The following PDCD6IP variants were observed in gnomAD, a reference collection of about 807,000 sequenced individuals.
The protein encoded by PDCD6IP is programmed cell death 6-interacting protein.
In PDCD6IP, 43 loss-of-function variants were observed where a neutral mutation model predicts 103.7. The observed-to-expected ratio is 0.41, with a 90% CI of 0.32 to 0.53. The LOEUF is 0.53. Among genes scored for constraint, PDCD6IP ranks in the 20% least tolerant of loss-of-function variants. The pLI, the probability that PDCD6IP is intolerant of heterozygous loss-of-function variation, is 0.16. For missense variants in PDCD6IP, 871 were observed against 1,036.7 expected, an observed-to-expected ratio of 0.84 and a Z score of 2.20; for synonymous variants, 354 against 378.7, an observed-to-expected ratio of 0.93 and a Z score of 0.76.
In PDCD6IP at chr3:33,798,923, C is replaced by G. The variant is rs909958491; in HGVS notation, c.195C>G (p.Leu65=). The G allele has an allele frequency of 2.6e-6, 4 of 1,539,086 alleles. No individual in the cohort carries two copies. Among genetic ancestry groups the G allele is most frequent in the Non-Finnish European group, 2.6e-6 (3 of 1,138,844 alleles). The part of the protein sequence containing the change: ...GRPLDKHEGA[L]ETLLRYYDQI... ...CGCTGGACAAGCACGAGGGCGCGCT[C>G]GAGACGCTCCTGAGGTGGGCGCGGG... The change falls in exon 1 of 18, where the codon CTC becomes CTG. Residue 65 remains leucine (L), a synonymous_variant. Transcript: ENST00000307296.
At chr3:33,846,862 A>G (rs1259659943) in intron 12 of PDCD6IP, among the ~76,000 whole-genome samples, 1 of 152,220 alleles carries the variant, frequency 6.6e-6, no homozygotes, top group Non-Finnish European at 1.5e-5. Context: ...GGTCCCTAAC[A>G]TAAAGAGACA....
chr3:33,854,023 A>G lies in PDCD6IP; in HGVS notation c.2025+10A>G. The G allele has an allele frequency of 6.4e-7, 1 of 1,566,860 alleles. No individual in the cohort carries two copies. On this transcript the variant is annotated intron_variant, in intron 14 of 17. Coordinates refer to ENST00000307296, the MANE Select transcript of PDCD6IP (RefSeq NM_013374.6). ...GAAGGAAGGCACAAAGGTATGAAGT[A>G]CATGCAAAAGGAACCATAGCTAGCA...
At chr3:33,834,799 A>C (rs1029584848) in intron 7 of PDCD6IP, among the ~76,000 whole-genome samples, 47 of 152,142 alleles carry the variant, frequency 3.1e-4, no homozygotes, top group Non-Finnish European at 6.2e-4. Context: ...GATGCTTTCT[A>C]TATGCCTGAG....
At chr3:33,823,853 TCA>T (rs148441700) in intron 4 of PDCD6IP, among the ~76,000 whole-genome samples, 4,474 of 152,304 alleles carry the variant, frequency 0.029, 77 homozygotes, top group African/African-American at 0.052. Context: ...TAACTGTAAC[TCA>T]GTTAGTTAGT....
chr3:33,855,095 T>C (rs1430494346), intron 14 of PDCD6IP, 71 bp from the exon 15 acceptor site: 1 of 894,580 alleles, frequency 1.1e-6, no homozygotes, highest in African/African-American at 1.7e-5. Context: ...ACAAATTAGC[T>C]TTAGATCACA....
intron 9 of PDCD6IP, 36 bp downstream of exon 9, chr3:33,838,363 C>T (rs180890370): frequency 2.1e-5 from 32 of 1,558,464 alleles, no homozygotes; most frequent in South Asian, 4.5e-5. Flanking sequence ...TAAAGTTTTC[C>T]GTTTGGTTGT....
intron 15 of PDCD6IP, among the ~76,000 whole-genome samples, chr3:33,859,561 A>G (rs1697906462): frequency 6.6e-6 from 1 of 152,172 alleles, no homozygotes; most frequent in Non-Finnish European, 1.5e-5. Flanking sequence ...GGAAATACAA[A>G]TGGCTCTTAA....
chr3:33,868,636 C>T lies in PDCD6IP; in HGVS notation c.*2111C>T, dbSNP rs180855630. 7 of 152,296 alleles carry T rather than the reference C, an allele frequency of 4.6e-5. No homozygotes were observed. In the East Asian group the frequency reaches 1.4e-3, roughly 29 times the overall value. 9.4% of individuals were successfully genotyped at this position (152,296 alleles called of 1,614,324 possible). A position where few individuals can be genotyped will look rare whatever the true frequency, so the allele number is the denominator to read the frequency against. On this transcript the variant is annotated 3_prime_UTR_variant, in exon 18 of 18. Coordinates refer to ENST00000307296, the MANE Select transcript of PDCD6IP (RefSeq NM_013374.6). ...ACAGACAATCACAATAAATGCAGCC[C>T]TTTATTACTGTTAAGGATCATACTG... is the stretch of plus-strand genomic sequence containing the variant.
At position 33,866,607 on chromosome 3, in the gene PDCD6IP, T is replaced by C; in HGVS notation, c.*82T>C. 1 of 1,172,158 alleles carries C rather than the reference T, an allele frequency of 8.5e-7. No individual in the cohort carries two copies. The highest frequency in any genetic ancestry group is 1.2e-6 in the Non-Finnish European group (1 of 832,094). 72.6% of individuals were successfully genotyped at this position (1,172,158 alleles called of 1,614,324 possible). ...GCAATAAGTGTACTAAACTCTACGCTCTGGTTAATGTAATGTACTCTCCTG... is the reference window on the plus strand; with the variant it reads ...GCAATAAGTGTACTAAACTCTACGCCCTGGTTAATGTAATGTACTCTCCTG... On this transcript the variant is annotated 3_prime_UTR_variant, in exon 18 of 18. Coordinates refer to ENST00000307296, the MANE Select transcript of PDCD6IP (RefSeq NM_013374.6).
At chr3:33,805,370 A>AT (rs1268493830) in intron 1 of PDCD6IP, among the ~76,000 whole-genome samples, 475 of 134,536 alleles carry the variant, frequency 3.5e-3, no homozygotes, top group African/African-American at 0.012. Context: ...AAAAAAAAAA[A>AT]TTTTTTTTTC....
At chr3:33,863,822 T>C (rs561239308) in intron 15 of PDCD6IP, 184 bp from the exon 16 acceptor site, 1 of 564,756 alleles carries the variant, frequency 1.8e-6, no homozygotes, top group East Asian at 3.0e-5. Context: ...TTTAGTTTTT[T>C]GAGGGACCTC....
intron 13 of PDCD6IP, among the ~76,000 whole-genome samples, chr3:33,853,286 TA>T (rs535773602): frequency 2.6e-5 from 4 of 152,238 alleles, no homozygotes; most frequent in South Asian, 4.1e-4. Flanking sequence ...ATACTTCAGA[TA>T]TTTTTCATGG....
At chr3:33,826,446 T>G (rs1353914624) in intron 5 of PDCD6IP, 34 bp from the exon 6 acceptor site, 2 of 1,448,912 alleles carry the variant, frequency 1.4e-6, no homozygotes, top group Admixed American at 1.9e-5. Context: ...TAGCTCATAT[T>G]TATTTTAATT....
rs559310279 is a variant in PDCD6IP, at chr3:33,865,259, C to T, written c.2261C>T (p.Pro754Leu). The T allele has an allele frequency of 1.3e-6, 2 of 1,557,184 alleles. No individual in the cohort carries two copies. Among genetic ancestry groups the T allele is most frequent in the East Asian group, 2.5e-5 (1 of 39,742 alleles). The change falls in exon 17 of 18, where the codon CCC becomes CTC. Residue 754 changes from proline (P) to leucine (L), a missense_variant. This residue lies in a region of PDCD6IP where 202 missense variants were observed against 205.2 expected (regional missense o/e 0.98). Coordinates refer to ENST00000307296, the MANE Select transcript of PDCD6IP (RefSeq NM_013374.6). ...PRTMPPTKPQ[P>L]PARPPPPVLP... ...TTCTTATAGCCTACTAAGCCCCAGC[C>T]CCCAGCCAGGCCTCCACCACCTGTG...
At chr3:33,822,351 T>C (rs1697012238) in intron 4 of PDCD6IP, among the ~76,000 whole-genome samples, 1 of 152,234 alleles carries the variant, frequency 6.6e-6, no homozygotes, top group African/African-American at 2.4e-5. Flanking sequence ...GAAGAAATTA[T>C]GAAATGTCTG....
At chr3:33,861,018 T>G (rs757403164) in intron 15 of PDCD6IP, among the ~76,000 whole-genome samples, 6,497 of 151,316 alleles carry the variant, frequency 0.043, 194 homozygotes, top group Middle Eastern at 0.075. Flanking sequence ...AAAAAACAGG[T>G]GAAATTAATT....
intron 4 of PDCD6IP, among the ~76,000 whole-genome samples, chr3:33,824,934 G>T (rs185407572): frequency 4.5e-4 from 68 of 152,282 alleles, no homozygotes; most frequent in Middle Eastern, 3.4e-3. Flanking sequence ...TAATCAGATT[G>T]TTCCATTAGT....
chr3:33,866,212 A>G (rs1698061070), intron 17 of PDCD6IP, 139 bp from the exon 18 acceptor site: 1 of 495,450 alleles, frequency 2.0e-6, no homozygotes, highest in Non-Finnish European at 3.5e-6. Flanking sequence ...GCCTTGAAAC[A>G]GTTTTTTTCA....
rs1167413855 is a variant in PDCD6IP at position 33,798,964 on chromosome 3, G to C, written c.209+27G>C. The C allele has an allele frequency of 3.3e-6, 5 of 1,494,972 alleles. No homozygotes were observed. The African/African-American group carries it at 4.2e-5, about 13-fold the overall frequency. The allele number at this position is 1,494,972 out of a possible 1,614,324, so 92.6% of individuals were successfully genotyped here. ...TGGGCGCGGGGCTGGGAGTGGGTAG[G>C]TTGTCTGCCAGCCGTCGCTCGCCGC... is the stretch of plus-strand genomic sequence containing the variant. On this transcript the variant is annotated intron_variant, in intron 1 of 17. Transcript: ENST00000307296.
Sources: allele counts gnomAD v4.1 joint callset (sites outside exome capture counted in the v4.1 genomes callset), GRCh38; gene constraint gnomAD v4.1.1; regional missense constraint gnomAD v4.1.1; transcripts MANE v1.5; gene names NCBI Gene and HGNC (gene_info 2026-07-23, HGNC 2026-07-21).